BRWD1: variants seen among roughly 807,000 people sequenced by gnomAD.
BRWD1 encodes the protein bromodomain and WD repeat domain containing 1.
Under a neutral mutation model 251.2 loss-of-function variants are expected in BRWD1, and 82 were observed. That is an observed-to-expected ratio of 0.33 (90% confidence interval 0.27 to 0.39). The LOEUF is 0.39. Among genes scored for constraint, BRWD1 ranks in the 10% least tolerant of loss-of-function variants. The pLI, the probability that BRWD1 is intolerant of heterozygous loss-of-function variation, is 1.00. For synonymous variants in BRWD1, 918 were observed against 902.8 expected (o/e 1.02, Z -0.30); for missense variants, 2,233 against 2,711.6 (o/e 0.82, Z 3.92).
chr21:39,286,912 T>A (rs1364879714), intron 8 of BRWD1, among the ~76,000 whole-genome samples: 1 of 152,202 alleles, frequency 6.6e-6, no homozygotes, highest in Non-Finnish European at 1.5e-5. Flanking sequence ...ATTTTTAATC[T>A]AGATAAAAGT....
rs1054709742 is a variant in BRWD1, at chr21:39,313,527, C to T, written c.-36G>A. ...GGGGCGGGAGGCGGGAGCGAGCGAG[C>T]GAGCGGAGCGTGTAGGCCGCGCCGA... On this transcript the variant is annotated 5_prime_UTR_variant, in exon 1 of 41. Transcript: ENST00000342449. 5 of 1,326,420 alleles carry T rather than the reference C, an allele frequency of 3.8e-6. No homozygotes were observed. The highest frequency in any genetic ancestry group is 8.4e-5 in the Admixed American group (2 of 23,828). The allele number at this position is 1,326,420 out of a possible 1,614,324, so 82.2% of individuals were successfully genotyped here. A position where few individuals can be genotyped will look rare whatever the true frequency, so the allele number is the denominator to read the frequency against.
intron 27 of BRWD1, 31 bp downstream of exon 27, chr21:39,228,469 G>A (rs759087310): frequency 1.4e-6 from 2 of 1,438,264 alleles, no homozygotes; most frequent in East Asian, 2.3e-5. Flanking sequence ...AATTTTTAAG[G>A]GTATATAAAA....
chr21:39,239,678 AATCAGT>A (rs1429383075), intron 21 of BRWD1, among the ~76,000 whole-genome samples: 1 of 152,160 alleles, frequency 6.6e-6, no homozygotes, highest in African/African-American at 2.4e-5. Context: ...AAACTCGAAA[AATCAGT>A]TTGTCAGTAA....
chr21:39,305,970 G>A (rs1330847881), intron 4 of BRWD1, among the ~76,000 whole-genome samples: 9 of 151,832 alleles, frequency 5.9e-5, no homozygotes, highest in Admixed American at 2.6e-4. Context: ...GGAGTTTGAC[G>A]CTGCAGTGAG....
At chr21:39,305,935 G>A (rs2036272796) in intron 4 of BRWD1, among the ~76,000 whole-genome samples, 1 of 151,732 alleles carries the variant, frequency 6.6e-6, no homozygotes, top group African/African-American at 2.4e-5. Context: ...TTGGGACACT[G>A]AATCGGGAGG....
chr21:39,272,305 T>TTAAA (rs1445570866), intron 13 of BRWD1, among the ~76,000 whole-genome samples: 1 of 110,106 alleles, frequency 9.1e-6, no homozygotes, highest in African/African-American at 3.2e-5. Flanking sequence ...AAAACTTAAA[T>TTAAA]AAATAAAAAA....
At chr21:39,272,301 TAAATAAATAAAA>T (rs1203744648) in intron 13 of BRWD1, among the ~76,000 whole-genome samples, 1 of 104,602 alleles carries the variant, frequency 9.6e-6, no homozygotes, top group African/African-American at 3.3e-5. Flanking sequence ...CCCTAAAACT[TAAATAAATAAAA>T]AAAAAAAAAA....
intron 21 of BRWD1, among the ~76,000 whole-genome samples, chr21:39,241,187 T>A (rs562163529): frequency 6.6e-5 from 10 of 152,056 alleles, no homozygotes; most frequent in Non-Finnish European, 1.0e-4. Context: ...ATAACAGGGC[T>A]GGGCATGGTG....
intron 19 of BRWD1, among the ~76,000 whole-genome samples, chr21:39,254,363 C>CTG (rs2034494866): frequency 6.6e-6 from 1 of 152,122 alleles, no homozygotes; most frequent in South Asian, 2.1e-4. Flanking sequence ...ATATCTTCCC[C>CTG]TGTCTCATAG....
intron 5 of BRWD1, chr21:39,297,420 T>A (rs2035990245): frequency 1.0e-6 from 1 of 984,960 alleles, no homozygotes; most frequent in Admixed American, 6.2e-5. Flanking sequence ...TCTTCTAAGG[T>A]CTGGCCAGTT....
At chr21:39,312,409 G>A (rs1231508915) in intron 4 of BRWD1, among the ~76,000 whole-genome samples, 1 of 152,236 alleles carries the variant, frequency 6.6e-6, no homozygotes, top group Non-Finnish European at 1.5e-5. Flanking sequence ...AGAGACCAAT[G>A]ATTCTATTCC....
chr21:39,213,366 C>G (rs1601288321), intron 33 of BRWD1, 115 bp downstream of exon 33: 4 of 842,596 alleles, frequency 4.7e-6, no homozygotes, highest in East Asian at 5.1e-5. Flanking sequence ...ATCAAATGCC[C>G]TATTTGTTCA....
Position 39,313,593 on chromosome 21 carries a change from C to CGCA in BRWD1, c.-103_-102insTGC, listed in dbSNP as rs2036599497. The CGCA allele has an allele frequency of 4.4e-6, 3 of 681,450 alleles. No homozygotes were observed. The Admixed American group carries it at 2.3e-4, about 53-fold the overall frequency. The allele number at this position is 681,450 out of a possible 1,614,324, so 42.2% of individuals were successfully genotyped here. ...GCGTCCCCTCTTCTCAGGCGCGCGC[C>CGCA]GCCGCCGCCGCCGCCGCCGCCATAC... On this transcript the variant is annotated 5_prime_UTR_variant, in exon 1 of 41. Coordinates refer to ENST00000342449, the MANE Select transcript of BRWD1 (RefSeq NM_033656.4).
intron 4 of BRWD1, among the ~76,000 whole-genome samples, chr21:39,302,605 A>C (rs532638485): frequency 6.6e-6 from 1 of 152,092 alleles, no homozygotes; most frequent in African/African-American, 2.4e-5. Flanking sequence ...AAAAATACAA[A>C]AATTAGCCAG....
At chr21:39,241,584 C>A (rs1043775126) in intron 21 of BRWD1, among the ~76,000 whole-genome samples, 2 of 139,156 alleles carry the variant, frequency 1.4e-5, no homozygotes, top group African/African-American at 2.6e-5. Flanking sequence ...AAACGGGTAT[C>A]ATTAAAATCA....
intron 22 of BRWD1, among the ~76,000 whole-genome samples, chr21:39,238,246 G>A (rs1020442324): frequency 7.0e-6 from 1 of 143,362 alleles, no homozygotes; most frequent in Non-Finnish European, 1.5e-5. Flanking sequence ...TATATTTTCA[G>A]TATGCATGTT....
At chr21:39,265,332 C>T (rs1039441007) in intron 15 of BRWD1, among the ~76,000 whole-genome samples, 6 of 151,942 alleles carry the variant, frequency 3.9e-5, no homozygotes, top group African/African-American at 1.2e-4. Context: ...AGCTGAGACA[C>T]GAGAATCGTT....
intron 4 of BRWD1, among the ~76,000 whole-genome samples, chr21:39,309,439 T>A (rs949180796): frequency 1.3e-5 from 2 of 151,562 alleles, no homozygotes; most frequent in African/African-American, 4.9e-5. Context: ...GCCTGGGTAA[T>A]AGAGTGAGAC....
intron 10 of BRWD1, chr21:39,278,528 T>G (rs1343470024): frequency 2.1e-6 from 1 of 485,136 alleles, no homozygotes; most frequent in Non-Finnish European, 3.7e-6. Flanking sequence ...ACCAGCCATC[T>G]CTTATATCAC....
Sources: gnomAD v4.1 joint callset for allele counts (sites outside exome capture counted in the v4.1 genomes callset) on GRCh38, gnomAD v4.1.1 for gene constraint, MANE v1.5 for transcripts, NCBI Gene and HGNC (gene_info 2026-07-23, HGNC 2026-07-21) for gene names.